The following ANAPC10 variants were observed in gnomAD, a reference collection of about 807,000 sequenced individuals.
ANAPC10 encodes anaphase promoting complex subunit 10.
ANAPC10 carries 12 observed loss-of-function variants against 22.0 expected under a neutral mutation model. The observed-to-expected ratio is 0.55, with a 90% CI of 0.35 to 0.88. The LOEUF (loss-of-function observed/expected upper bound fraction) is 0.88, where lower values mean the gene tolerates loss of function less well. Among genes scored for constraint, ANAPC10 ranks in the 40% least tolerant of loss-of-function variants. The pLI, the probability that ANAPC10 is intolerant of heterozygous loss-of-function variation, is 0.01. For synonymous variants in ANAPC10, 65 were observed against 69.5 expected (o/e 0.94, Z 0.32); for missense variants, 188 against 220.9 (o/e 0.85, Z 0.94).
At chr4:145,085,233 G>T (rs1314412631) in intron 2 of ANAPC10, among the ~76,000 whole-genome samples, 2 of 151,752 alleles carry the variant, frequency 1.3e-5, no homozygotes, top group Non-Finnish European at 2.9e-5. Flanking sequence ...CTCTAGCCTG[G>T]GCAACAGTGC....
chr4:145,054,638 T>TGC (rs1178846374), intron 4 of ANAPC10, among the ~76,000 whole-genome samples: 94 of 65,478 alleles, frequency 1.4e-3, no homozygotes, highest in African/African-American at 2.5e-3. Flanking sequence ...TGTGTGTGTG[T>TGC]GTGCGCGCGC....
At chr4:145,091,358 T>A (rs1331174880) in intron 2 of ANAPC10, among the ~76,000 whole-genome samples, 1 of 152,218 alleles carries the variant, frequency 6.6e-6, no homozygotes, top group East Asian at 1.9e-4. Context: ...CAACTAGCAC[T>A]GATTTGTATC....
intron 4 of ANAPC10, among the ~76,000 whole-genome samples, chr4:144,997,105 C>T (rs959498657): frequency 5.3e-5 from 8 of 152,200 alleles, no homozygotes; most frequent in Non-Finnish European, 8.8e-5. Flanking sequence ...ACCAAATCTA[C>T]ATCTGATTGG....
chr4:145,088,983 C>G (rs1418071307), intron 2 of ANAPC10, among the ~76,000 whole-genome samples: 4 of 152,152 alleles, frequency 2.6e-5, no homozygotes, highest in Non-Finnish European at 5.9e-5. Flanking sequence ...GAACTAACTT[C>G]CTGGTGTCAA....
chr4:145,014,417 ACAGC>A (rs1734801634), intron 4 of ANAPC10, among the ~76,000 whole-genome samples: 1 of 151,804 alleles, frequency 6.6e-6, no homozygotes, highest in Admixed American at 6.6e-5. Context: ...CCTATCCCCC[ACAGC>A]AGCTGCACCA....
At position 145,014,592 on chromosome 4, in the gene ANAPC10, A is replaced by T. The variant is rs563780037; in HGVS notation, c.328-18989T>A. Among the ~76,000 whole-genome samples the T allele has an allele frequency of 2.6e-4, 40 of 152,146 alleles. 1 individual carries two copies. In the South Asian group the frequency reaches 8.3e-3, roughly 32 times the overall value. On this transcript the variant is annotated intron_variant, in intron 4 of 4. Coordinates refer to ENST00000507656, the MANE Select transcript of ANAPC10 (RefSeq NM_001256706.2). Reference sequence around the variant, plus strand: ...GATCCTCCCTATACTACCACAGCTGATGCTCTCTGGAAAGCGCCACCTCCT... The same window carrying T: ...GATCCTCCCTATACTACCACAGCTGTTGCTCTCTGGAAAGCGCCACCTCCT...
At chr4:145,036,280 T>C (rs1315475675) in intron 4 of ANAPC10, among the ~76,000 whole-genome samples, 1 of 152,242 alleles carries the variant, frequency 6.6e-6, no homozygotes, top group Non-Finnish European at 1.5e-5. Flanking sequence ...TGATGTGTTA[T>C]AGCAGATATG....
At chr4:145,062,574 T>TC (rs1193144254) in intron 4 of ANAPC10, among the ~76,000 whole-genome samples, 1 of 151,312 alleles carries the variant, frequency 6.6e-6, no homozygotes, top group African/African-American at 2.4e-5. Context: ...ACCACTGCAC[T>TC]CCAGTGTGGG....
intron 4 of ANAPC10, among the ~76,000 whole-genome samples, chr4:144,998,766 T>C (rs939155868): frequency 6.6e-6 from 1 of 151,716 alleles, no homozygotes; most frequent in Middle Eastern, 3.4e-3. Flanking sequence ...ATAACTAAGA[T>C]CAGAGCAGGA....
chr4:145,083,463 T>C (rs987496743), intron 2 of ANAPC10, among the ~76,000 whole-genome samples: 6 of 152,188 alleles, frequency 3.9e-5, no homozygotes, highest in Non-Finnish European at 8.8e-5. Flanking sequence ...AATAGAATCC[T>C]GGGTCATTTG....
At chr4:145,003,721 T>A (rs1306046935) in intron 4 of ANAPC10, among the ~76,000 whole-genome samples, 1 of 152,118 alleles carries the variant, frequency 6.6e-6, no homozygotes, top group Non-Finnish European at 1.5e-5. Context: ...TGTATCACTA[T>A]CATGCTGTCT....
At chr4:145,007,204 C>A (rs2126890976) in intron 4 of ANAPC10, among the ~76,000 whole-genome samples, 1 of 152,172 alleles carries the variant, frequency 6.6e-6, no homozygotes, top group South Asian at 2.1e-4. Flanking sequence ...GACTTTAACA[C>A]CCCACTGTCA....
intron 4 of ANAPC10, among the ~76,000 whole-genome samples, chr4:145,017,103 A>C (rs1735286943): frequency 6.6e-6 from 1 of 152,212 alleles, no homozygotes; most frequent in African/African-American, 2.4e-5. Context: ...ATCGCAACAA[A>C]AGCCAAAATT....
chr4:145,015,590 A>G (rs1410392259), intron 4 of ANAPC10, among the ~76,000 whole-genome samples: 1 of 152,112 alleles, frequency 6.6e-6, no homozygotes, highest in African/African-American at 2.4e-5. Flanking sequence ...CACAAAGAAC[A>G]CCTGGAAAAT....
chr4:145,012,215 CATATAT>C (rs1173691539), intron 4 of ANAPC10, among the ~76,000 whole-genome samples: 1 of 144,766 alleles, frequency 6.9e-6, no homozygotes, highest in Non-Finnish European at 1.5e-5. Flanking sequence ...CATATATATA[CATATAT>C]ATAAATTTTC....
intron 4 of ANAPC10, among the ~76,000 whole-genome samples, chr4:145,061,009 C>T: frequency 6.6e-6 from 1 of 152,010 alleles, no homozygotes; most frequent in Non-Finnish European, 1.5e-5. Context: ...TTTAAAGCAA[C>T]ATCCAAAAAT....
intron 4 of ANAPC10, among the ~76,000 whole-genome samples, chr4:145,015,908 G>A (rs1188786115): frequency 6.6e-6 from 1 of 152,070 alleles, no homozygotes; most frequent in African/African-American, 2.4e-5. Flanking sequence ...CCACTGCCAA[G>A]CCACCATTAC....
chr4:145,010,201 A>C (rs1197025430), intron 4 of ANAPC10, among the ~76,000 whole-genome samples: 1 of 152,200 alleles, frequency 6.6e-6, no homozygotes. Flanking sequence ...GTGGAGAAAT[A>C]GGAACATTTT....
rs369097251 is a variant in ANAPC10 at position 145,065,310 on chromosome 4, C to A, written c.207-618G>T. 2.6e-5 allele frequency among the ~76,000 whole-genome samples: 4 copies of A among 151,436 alleles called. No individual in the cohort carries two copies. The East Asian group carries it at 7.7e-4, about 29-fold the overall frequency. ...CGAACCTCAGAAAAAATGCAAGTGG[C>A]CAACAAAACATGAAAATGTGTTCAA... On this transcript the variant is annotated intron_variant, in intron 3 of 4. Coordinates refer to ENST00000507656, the MANE Select transcript of ANAPC10 (RefSeq NM_001256706.2).
Sources: gnomAD v4.1 joint callset for allele counts (sites outside exome capture counted in the v4.1 genomes callset) on GRCh38, gnomAD v4.1.1 for gene constraint, MANE v1.5 for transcripts, NCBI Gene and HGNC (gene_info 2026-07-23, HGNC 2026-07-21) for gene names.